IREB2: variants seen among roughly 807,000 people sequenced by gnomAD.
IREB2 encodes iron responsive element binding protein 2.
Under a neutral mutation model 118.8 loss-of-function variants are expected in IREB2, and 39 were observed. The observed-to-expected ratio is 0.33, with a 90% CI of 0.25 to 0.43. The LOEUF (loss-of-function observed/expected upper bound fraction) is 0.43. Among genes scored for constraint, IREB2 ranks in the 20% least tolerant of loss-of-function variants. The pLI is 1.00. For missense variants in IREB2, 900 were observed against 1,147.3 expected (o/e 0.78, Z 3.11); for synonymous variants, 372 against 392.2 (o/e 0.95, Z 0.61).
chr15:78,473,136 A>G, intron 7 of IREB2, 106 bp from the exon 8 acceptor site: 1 of 1,074,290 alleles, frequency 9.3e-7, no homozygotes, highest in Non-Finnish European at 1.4e-6. Context: ...CAACTCTGCA[A>G]AGTACTGTGT....
At chr15:78,470,779 C>G (rs922005254) in intron 6 of IREB2, 178 bp downstream of exon 6, 4 of 388,756 alleles carry the variant, frequency 1.0e-5, no homozygotes. Context: ...ACTGCAGCCT[C>G]CACCTCCTGG....
intron 2 of IREB2, among the ~76,000 whole-genome samples, chr15:78,456,461 G>A (rs968212338): frequency 4.0e-5 from 6 of 151,556 alleles, no homozygotes; most frequent in Non-Finnish European, 5.9e-5. Context: ...CCAGGAGTTC[G>A]AGAACTCCCT....
intron 2 of IREB2, among the ~76,000 whole-genome samples, chr15:78,443,966 A>C (rs2050886587): frequency 6.6e-6 from 1 of 152,076 alleles, no homozygotes; most frequent in Non-Finnish European, 1.5e-5. Flanking sequence ...AATCTCTTTA[A>C]TATTCTGGAG....
In IREB2 at chr15:78,493,912, T is replaced by C. The variant is rs758974912; in HGVS notation, c.2328T>C (p.Leu776=). ...GACTTTCATTACTTTCTTGTAGCCT[T>C]ACCCCTCGTGAATTCAACTCTTACG... The part of the protein sequence containing the change: ...AAAKYLTNRG[L]TPREFNSYGA... The change falls in exon 19 of 22, where the codon CTT becomes CTC. Residue 776 remains leucine, a synonymous_variant. Transcript: ENST00000258886. 1.9e-6 allele frequency: 3 copies of C among 1,612,928 alleles called. No individual in the cohort carries two copies. Among genetic ancestry groups the C allele is most frequent in the Admixed American group, 3.3e-5 (2 of 59,830 alleles).
intron 13 of IREB2, among the ~76,000 whole-genome samples, chr15:78,486,682 G>T (rs2051666458): frequency 6.6e-6 from 1 of 151,858 alleles, no homozygotes; most frequent in Admixed American, 6.5e-5. Flanking sequence ...GGGATTTTTT[G>T]GTTTTGAGAC....
Position 78,462,388 on chromosome 15 carries a change from A to G in IREB2, c.107-534A>G, listed in dbSNP as rs146227705. On this transcript the variant is annotated intron_variant, in intron 2 of 21. Coordinates refer to ENST00000258886, the MANE Select transcript of IREB2 (RefSeq NM_004136.4). ...TTTAAAATATTGAAATCACTTTCTC[A>G]ATTGTGTCCTTGAAGTAATTAAGAG... is the stretch of plus-strand genomic sequence containing the variant. 3.8e-3 allele frequency among the ~76,000 whole-genome samples: 583 copies of G among 152,360 alleles called. 4 individuals carry two copies. The highest frequency in any genetic ancestry group is 0.025 in the East Asian group (130 of 5,192).
intron 12 of IREB2, 77 bp downstream of exon 12, chr15:78,484,997 C>A: frequency 7.4e-7 from 1 of 1,348,374 alleles, no homozygotes; most frequent in Non-Finnish European, 1.0e-6. Flanking sequence ...AACTTTGTTT[C>A]TTAGATGATG....
At chr15:78,470,009 G>GAACT (rs1193595609) in intron 5 of IREB2, among the ~76,000 whole-genome samples, 2 of 152,248 alleles carry the variant, frequency 1.3e-5, no homozygotes, top group African/African-American at 4.8e-5. Context: ...CATGTAAAGT[G>GAACT]AACTGCTACT....
intron 2 of IREB2, among the ~76,000 whole-genome samples, chr15:78,442,041 G>A (rs1415528826): frequency 6.6e-6 from 1 of 151,950 alleles, no homozygotes; most frequent in Non-Finnish European, 1.5e-5. Context: ...CAAGTAGCTG[G>A]TACTATAGGC....
rs183844198 is a variant in IREB2, at chr15:78,499,351, A to G, written c.*1208A>G. On this transcript the variant is annotated 3_prime_UTR_variant, in exon 22 of 22. Coordinates refer to ENST00000258886, the MANE Select transcript of IREB2 (RefSeq NM_004136.4). ...TTTTAAAAAGGTTGGAAAATTAATT[A>G]TAGAAGGTTCTATACTGTTTTTTTA... The G allele has an allele frequency of 1.9e-4, 29 of 152,344 alleles. No homozygotes were observed. The highest frequency in any genetic ancestry group is 1.8e-3 in the Admixed American group (28 of 15,306). The allele number at this position is 152,344 out of a possible 1,614,324, so 9.4% of individuals were successfully genotyped here. A position where few individuals can be genotyped will look rare whatever the true frequency, so the allele number is the denominator to read the frequency against.
Position 78,494,278 on chromosome 15 carries a change from A to G in IREB2, c.2595+14A>G. 6.2e-7 allele frequency: 1 copy of G among 1,607,202 alleles called. No homozygotes were observed. The highest frequency in any genetic ancestry group is 8.5e-7 in the Non-Finnish European group (1 of 1,178,072). On this transcript the variant is annotated intron_variant, in intron 20 of 21. Coordinates refer to ENST00000258886, the MANE Select transcript of IREB2 (RefSeq NM_004136.4). ...CCGTATTTACTGGTATTGAATCTTA[A>G]AATTTATCATCTTAAGCTTCAAAGA...
intron 1 of IREB2, 146 bp from the exon 2 acceptor site, chr15:78,439,649 C>T (rs2050814202): frequency 5.4e-6 from 3 of 559,162 alleles, no homozygotes; most frequent in East Asian, 3.1e-5. Flanking sequence ...CCACACGTTG[C>T]TAATGGCTAC....
In IREB2 at chr15:78,478,412, AC is replaced by A; in HGVS notation, c.1296+18del. On this transcript the variant is annotated intron_variant, in intron 10 of 21. Coordinates refer to ENST00000258886, the MANE Select transcript of IREB2 (RefSeq NM_004136.4). ...AATACTCCCAGGTATATGCAGAATA[AC>A]CCACCTCGTAGCAAAGAGTGTAAAT... 1 of 1,415,326 alleles carries A rather than the reference AC, an allele frequency of 7.1e-7. No homozygotes were observed. The allele number at this position is 1,415,326 out of a possible 1,614,324, so 87.7% of individuals were successfully genotyped here.
intron 13 of IREB2, among the ~76,000 whole-genome samples, chr15:78,486,840 T>G (rs1407301675): frequency 6.6e-6 from 1 of 151,948 alleles, no homozygotes; most frequent in African/African-American, 2.4e-5. Flanking sequence ...CAGCTAATTT[T>G]TATGTTTTTA....
intron 13 of IREB2, 120 bp from the exon 14 acceptor site, chr15:78,487,613 A>G (rs1279576139): frequency 8.1e-6 from 5 of 617,464 alleles, no homozygotes; most frequent in African/African-American, 1.9e-5. Context: ...AGGTTAATCC[A>G]TGTGTCATGA....
intron 16 of IREB2, among the ~76,000 whole-genome samples, chr15:78,489,626 C>T (rs1159713731): frequency 6.6e-6 from 1 of 152,164 alleles, no homozygotes; most frequent in African/African-American, 2.4e-5. Context: ...AGCAATCCTG[C>T]TCCTCAGCCT....
intron 1 of IREB2, chr15:78,438,747 C>T (rs1238201116): frequency 3.3e-6 from 1 of 301,018 alleles, no homozygotes; most frequent in Non-Finnish European, 6.4e-6. Flanking sequence ...CCTGCGTCTC[C>T]GTGTTCGGGT....
intron 2 of IREB2, among the ~76,000 whole-genome samples, chr15:78,450,733 G>A (rs2141456754): frequency 6.6e-6 from 1 of 152,162 alleles, no homozygotes. Flanking sequence ...CCTCAGTCCA[G>A]GTACTGGCAC....
chr15:78,475,207 G>A (rs1435469919), intron 8 of IREB2: 2 of 151,886 alleles, frequency 1.3e-5, no homozygotes, highest in African/African-American at 2.4e-5. Flanking sequence ...TTCATAGATC[G>A]AGGATAGTTT....
Sources: allele counts gnomAD v4.1 joint callset (sites outside exome capture counted in the v4.1 genomes callset), GRCh38; gene constraint gnomAD v4.1.1; transcripts MANE v1.5; gene names NCBI Gene and HGNC (gene_info 2026-07-23, HGNC 2026-07-21).